MBNL3: variants seen among roughly 807,000 people sequenced by gnomAD.
MBNL3 encodes muscleblind-like protein 3.
Under a neutral mutation model 24.5 loss-of-function variants are expected in MBNL3, and 6 were observed. That is an observed-to-expected ratio of 0.25 (90% confidence interval 0.13 to 0.48). The LOEUF (loss-of-function observed/expected upper bound fraction) is 0.48, where lower values mean the gene tolerates loss of function less well. MBNL3 is among the 20% of genes least tolerant of loss of function. The pLI, the probability that MBNL3 is intolerant of heterozygous loss-of-function variation, is 0.99. For missense variants in MBNL3, 230 were observed against 293.5 expected, an observed-to-expected ratio of 0.78 and a Z score of 1.58; for synonymous variants, 100 against 101.7, an observed-to-expected ratio of 0.98 and a Z score of 0.10.
chrX:132,408,276 T>A (rs1942183782), intron 2 of MBNL3, among the ~76,000 whole-genome samples: 1 of 107,345 alleles, frequency 9.3e-6, no homozygotes, highest in Non-Finnish European at 1.9e-5. Context: ...CTCTAATTCC[T>A]ATGCTTTGGG....
chrX:132,382,696 A>C (rs1376386956), intron 7 of MBNL3, among the ~76,000 whole-genome samples: 1 of 112,268 alleles, frequency 8.9e-6, no homozygotes, highest in African/African-American at 3.2e-5. Flanking sequence ...AATGGAATTA[A>C]GGAATCATAA....
rs188513882 is a variant in MBNL3 at position 132,382,843 on chromosome X, G to A, written c.959-571C>T. ...GTAGACTGGTTGGTATGTGGTAGGG[G>A]GGCAGATATGAAGAATACAGTGGAC... On this transcript the variant is annotated intron_variant, in intron 7 of 8. Coordinates refer to ENST00000370853, the MANE Select transcript of MBNL3 (RefSeq NM_001386889.1). Among the ~76,000 whole-genome samples, 26 of 111,854 alleles carry A rather than the reference G, an allele frequency of 2.3e-4. No individual in the cohort carries two copies. In the Admixed American group the frequency reaches 2.5e-3, roughly 11 times the overall value.
intron 8 of MBNL3, chrX:132,381,413 T>C: frequency 1.5e-5 from 17 of 1,170,222 alleles, no homozygotes; most frequent in Non-Finnish European, 1.7e-5. Flanking sequence ...ATTCAGTTCA[T>C]CTATTGATAA....
In MBNL3 at chrX:132,438,934, T is replaced by G. The variant is rs1415119976; in HGVS notation, c.177+501A>C. On this transcript the variant is annotated intron_variant, in intron 2 of 8. Coordinates refer to ENST00000370853, the MANE Select transcript of MBNL3 (RefSeq NM_001386889.1). ...CGCTTCAAAATGCCATAATTTTCCT[T>G]CTGGAACCCTTATACTCCCTCAGTC... Among the ~76,000 whole-genome samples the G allele has an allele frequency of 2.7e-5, 3 of 109,287 alleles. No homozygotes were observed. In the Admixed American group the frequency reaches 3.0e-4, roughly 11 times the overall value. 94.9% of individuals were successfully genotyped at this position (109,287 alleles called of 115,157 possible).
chrX:132,449,680 T>A (rs1018760721), intron 1 of MBNL3, among the ~76,000 whole-genome samples: 3 of 109,605 alleles, frequency 2.7e-5, no homozygotes, highest in Non-Finnish European at 5.7e-5. Flanking sequence ...ATGTATGAAT[T>A]TTATACTATC....
intron 1 of MBNL3, among the ~76,000 whole-genome samples, chrX:132,474,533 T>A (rs1209684334): frequency 9.0e-6 from 1 of 111,319 alleles, no homozygotes; most frequent in Non-Finnish European, 1.9e-5. Flanking sequence ...GCAAAAAGAA[T>A]AAAGAGGACC....
Position 132,382,204 on chromosome X carries a change from A to G in MBNL3, c.1027T>C (p.Phe343Leu), listed in dbSNP as rs760588906. Reference sequence around the variant, plus strand: ...TGATTGCCTGTAGTTGGTGCAGCGAACGGAACGCTGGTGGCAGGTGTTGTT... The same window carrying G: ...TGATTGCCTGTAGTTGGTGCAGCGAGCGGAACGCTGGTGGCAGGTGTTGTT... ...AATTPATSVPFAAPTTGNQLK... is the reference protein window; with the variant it reads ...AATTPATSVPLAAPTTGNQLK... The change falls in exon 8 of 9, where the codon TTC (phenylalanine) becomes CTC (leucine). Residue 343 changes from phenylalanine to leucine, a missense_variant. Coordinates refer to ENST00000370853, the MANE Select transcript of MBNL3 (RefSeq NM_001386889.1). 29 of 1,209,538 alleles carry G rather than the reference A, an allele frequency of 2.4e-5. No individual in the cohort carries two copies. Among genetic ancestry groups the G allele is most frequent in the Admixed American group, 4.4e-5 (2 of 45,781 alleles).
intron 2 of MBNL3, among the ~76,000 whole-genome samples, chrX:132,429,229 T>C (rs1029325107): frequency 1.8e-5 from 2 of 112,809 alleles, no homozygotes; most frequent in African/African-American, 6.4e-5. Context: ...GCTGAATTGC[T>C]ACTGCAATAT....
intron 3 of MBNL3, among the ~76,000 whole-genome samples, chrX:132,405,641 C>T (rs1369018617): frequency 1.8e-5 from 2 of 110,612 alleles, no homozygotes; most frequent in African/African-American, 6.6e-5. Context: ...TTTGGGAGGC[C>T]GAGACAGGTG....
chrX:132,396,455 T>TATATATATTCCTATATATATTC (rs1470142917), intron 3 of MBNL3, among the ~76,000 whole-genome samples: 2 of 76,714 alleles, frequency 2.6e-5, no homozygotes, highest in Non-Finnish European at 4.7e-5. Flanking sequence ...TATATTCCTA[T>TATATATATTCCTATATATATTC]ATATATATTC....
intron 1 of MBNL3, among the ~76,000 whole-genome samples, 112 bp from the exon 2 acceptor site, chrX:132,440,426 T>A (rs1343471317): frequency 8.9e-6 from 1 of 112,098 alleles, no homozygotes; most frequent in Non-Finnish European, 1.9e-5. Context: ...AGCATCTAGA[T>A]ACTGACAGTG....
intron 3 of MBNL3, among the ~76,000 whole-genome samples, chrX:132,402,949 T>G: frequency 8.9e-6 from 1 of 111,997 alleles, no homozygotes; most frequent in East Asian, 2.8e-4. Flanking sequence ...TGGAAAGACA[T>G]GAAGTTCAAG....
rs957029289 is a variant in MBNL3, at chrX:132,373,678, T to C, written c.*5988A>G. ...ATCAAATGCTTAACCTTTCTAACCT[T>C]GACCTCTTCTAGGCCTCATTGCCTG... On this transcript the variant is annotated 3_prime_UTR_variant, in exon 9 of 9. Coordinates refer to ENST00000370853, the MANE Select transcript of MBNL3 (RefSeq NM_001386889.1). The C allele has an allele frequency of 2.7e-5, 3 of 112,037 alleles. No individual in the cohort carries two copies. Among genetic ancestry groups the C allele is most frequent in the South Asian group, 7.5e-4 (2 of 2,681 alleles). The allele number at this position is 112,037 out of a possible 1,213,427, so 9.2% of individuals were successfully genotyped here. A position where few individuals can be genotyped will look rare whatever the true frequency, so the allele number is the denominator to read the frequency against.
Position 132,409,593 on chromosome X carries a change from A to G in MBNL3, c.178-3201T>C, listed in dbSNP as rs150940476. The stretch of plus-strand genomic sequence containing the variant: ...GGTGTCCCAAGCCCTCCTTCTTCCA[A>G]TCTAGACCCACAGGTTCAGAGTTGG... On this transcript the variant is annotated intron_variant, in intron 2 of 8. Coordinates refer to ENST00000370853, the MANE Select transcript of MBNL3 (RefSeq NM_001386889.1). Among the ~76,000 whole-genome samples, 810 of 111,207 alleles carry G rather than the reference A, an allele frequency of 7.3e-3. 4 individuals carry two copies. The highest frequency in any genetic ancestry group is 0.025 in the African/African-American group (768 of 30,591).
chrX:132,404,250 A>G (rs1449014394), intron 3 of MBNL3, among the ~76,000 whole-genome samples: 3 of 111,417 alleles, frequency 2.7e-5, no homozygotes, highest in African/African-American at 9.7e-5. Flanking sequence ...TTATACCTCA[A>G]TAAAGCTGGG....
intron 3 of MBNL3, among the ~76,000 whole-genome samples, chrX:132,396,961 T>TTC (rs1939814805): frequency 1.2e-5 from 1 of 81,665 alleles, no homozygotes; most frequent in Non-Finnish European, 2.2e-5. Context: ...TATATATTCA[T>TTC]ATATATATGA....
At chrX:132,427,939 G>A (rs1944437619) in intron 2 of MBNL3, among the ~76,000 whole-genome samples, 2 of 110,694 alleles carry the variant, frequency 1.8e-5, no homozygotes, top group East Asian at 5.7e-4. Context: ...TCAAATTTTT[G>A]TACAGTTTTC....
At chrX:132,383,066 G>A (rs768429462) in intron 7 of MBNL3, among the ~76,000 whole-genome samples, 29 of 112,243 alleles carry the variant, frequency 2.6e-4, no homozygotes, top group East Asian at 1.4e-3. Context: ...TTTAGAAAGC[G>A]TTTTGGGTGC....
intron 1 of MBNL3, among the ~76,000 whole-genome samples, chrX:132,463,696 T>C (rs1946750888): frequency 9.0e-6 from 1 of 111,495 alleles, no homozygotes; most frequent in Non-Finnish European, 1.9e-5. Context: ...AAAAAAAGTA[T>C]CCCATAAAAT....
Sources: gnomAD v4.1 joint callset for allele counts (sites outside exome capture counted in the v4.1 genomes callset) on GRCh38, gnomAD v4.1.1 for gene constraint, MANE v1.5 for transcripts, NCBI Gene and HGNC (gene_info 2026-07-23, HGNC 2026-07-21) for gene names.